The following ADAM19 variants were observed in gnomAD, a reference collection of about 807,000 sequenced individuals.
ADAM19 encodes ADAM metallopeptidase domain 19, also known as disintegrin and metalloproteinase domain-containing protein 19.
A neutral mutation model predicts 114.7 loss-of-function variants in ADAM19; 65 were observed. That is an observed-to-expected ratio of 0.57 (90% CI 0.46 to 0.70). The LOEUF is 0.70. ADAM19 is among the 30% of genes least tolerant of loss of function. ADAM19 has a pLI of 0.00. For synonymous variants in ADAM19, 466 were observed against 460.5 expected, an observed-to-expected ratio of 1.01 and a Z score of -0.15; for missense variants, 1,063 against 1,204.7, an observed-to-expected ratio of 0.88 and a Z score of 1.74.
At position 157,478,885 on chromosome 5, in the gene ADAM19, T is replaced by G; in HGVS notation, c.*2064A>C. 1 of 985,786 alleles carries G rather than the reference T, an allele frequency of 1.0e-6. No individual in the cohort carries two copies. Among genetic ancestry groups the G allele is most frequent in the Non-Finnish European group, 1.2e-6 (1 of 829,936 alleles). 61.1% of individuals were successfully genotyped at this position (985,786 alleles called of 1,614,324 possible). ...GTCACTATGGCTGTGGCGCTGTCATTTCAGAGCTATCTACCTCCTGATGTG... is the reference window on the plus strand; with the variant it reads ...GTCACTATGGCTGTGGCGCTGTCATGTCAGAGCTATCTACCTCCTGATGTG... On this transcript the variant is annotated 3_prime_UTR_variant, in exon 23 of 23. Transcript: ENST00000257527.
intron 12 of ADAM19, 117 bp from the exon 13 acceptor site, chr5:157,499,779 T>G (rs1755497555): frequency 4.9e-6 from 3 of 609,064 alleles, no homozygotes; most frequent in South Asian, 4.3e-5. Flanking sequence ...ATCTCTTTTT[T>G]TTTTTTTTTT....
rs919867081 is a variant in ADAM19 at position 157,503,052 on chromosome 5, G to T, written c.1131-72C>A. Reference sequence around the variant, plus strand: ...CAGTCAGGCAGGTGTCACTCGTGCTGTCACTCCTGCTACCCGTGGGGCTGA... The same window carrying T: ...CAGTCAGGCAGGTGTCACTCGTGCTTTCACTCCTGCTACCCGTGGGGCTGA... On this transcript the variant is annotated intron_variant, in intron 11 of 22. Coordinates refer to ENST00000257527, the MANE Select transcript of ADAM19 (RefSeq NM_033274.5). 1.9e-5 allele frequency: 28 copies of T among 1,450,856 alleles called. 1 individual carries two copies. The allele number at this position is 1,450,856 out of a possible 1,614,324, so 89.9% of individuals were successfully genotyped here.
intron 1 of ADAM19, among the ~76,000 whole-genome samples, chr5:157,571,460 G>A (rs1474686566): frequency 6.6e-6 from 1 of 152,166 alleles, no homozygotes; most frequent in African/African-American, 2.4e-5. Flanking sequence ...TAAGGTAGGG[G>A]TAGCTAGTAA....
chr5:157,575,180 C>G (rs1349834905), intron 1 of ADAM19, among the ~76,000 whole-genome samples: 2 of 152,206 alleles, frequency 1.3e-5, no homozygotes, highest in African/African-American at 2.4e-5. Context: ...TCCCAGGCCA[C>G]ACGGGCAGGG....
At chr5:157,531,763 C>T (rs1756631511) in intron 4 of ADAM19, among the ~76,000 whole-genome samples, 1 of 151,586 alleles carries the variant, frequency 6.6e-6, no homozygotes, top group Non-Finnish European at 1.5e-5. Context: ...GGGAAGGACA[C>T]ACAGACACAC....
Position 157,478,987 on chromosome 5 carries a change from T to C in ADAM19, c.*1962A>G, listed in dbSNP as rs1171818828. 4.1e-6 allele frequency: 4 copies of C among 985,512 alleles called. No homozygotes were observed. The highest frequency in any genetic ancestry group is 2.4e-6 in the Non-Finnish European group (2 of 829,954). The allele number at this position is 985,512 out of a possible 1,614,324, so 61.0% of individuals were successfully genotyped here. On this transcript the variant is annotated 3_prime_UTR_variant, in exon 23 of 23. Coordinates refer to ENST00000257527, the MANE Select transcript of ADAM19 (RefSeq NM_033274.5). ...GTTTTGAGGATGTTGCTTGTTTGTTTTGCAGAGGGGTGAAAGGGGATGTTT... is the reference window on the plus strand; with the variant it reads ...GTTTTGAGGATGTTGCTTGTTTGTTCTGCAGAGGGGTGAAAGGGGATGTTT...
At chr5:157,507,200 G>T in intron 9 of ADAM19, 60 bp from the exon 10 acceptor site, 1 of 1,539,522 alleles carries the variant, frequency 6.5e-7, no homozygotes, top group Non-Finnish European at 9.0e-7. Flanking sequence ...GTTCCAATGT[G>T]CCTGGGAGTA....
chr5:157,481,462 G>A (rs1561837181), intron 22 of ADAM19: 2 of 802,430 alleles, frequency 2.5e-6, no homozygotes, highest in Non-Finnish European at 3.8e-6. Context: ...ACAACCTGAT[G>A]GGGCTGGTAC....
At chr5:157,567,477 G>C (rs1757696021) in intron 2 of ADAM19, among the ~76,000 whole-genome samples, 1 of 152,142 alleles carries the variant, frequency 6.6e-6, no homozygotes. Context: ...GAGCATCAGG[G>C]ACCCCAGCTC....
chr5:157,533,751 G>A (rs1449282181), intron 4 of ADAM19, among the ~76,000 whole-genome samples: 1 of 152,090 alleles, frequency 6.6e-6, no homozygotes, highest in South Asian at 2.1e-4. Flanking sequence ...CGAATCATGA[G>A]GTCAAGAGAT....
intron 18 of ADAM19, among the ~76,000 whole-genome samples, chr5:157,491,282 T>C (rs1312258617): frequency 6.6e-6 from 1 of 152,212 alleles, no homozygotes; most frequent in Non-Finnish European, 1.5e-5. Context: ...CCCAGGTTCA[T>C]GATTATTTTT....
At chr5:157,542,675 C>G (rs13355228) in intron 3 of ADAM19, among the ~76,000 whole-genome samples, 136 of 152,248 alleles carry the variant, frequency 8.9e-4, no homozygotes, top group Middle Eastern at 3.4e-3. Context: ...TGTGGTGGCG[C>G]GCACCTGTAA....
intron 7 of ADAM19, among the ~76,000 whole-genome samples, chr5:157,514,073 G>A (rs1412001447): frequency 6.6e-6 from 1 of 152,224 alleles, no homozygotes; most frequent in African/African-American, 2.4e-5. Flanking sequence ...AGAAATAACT[G>A]TGGCAGATGC....
chr5:157,484,544 C>G (rs1335183998), intron 21 of ADAM19, among the ~76,000 whole-genome samples: 1 of 152,182 alleles, frequency 6.6e-6, no homozygotes, highest in African/African-American at 2.4e-5. Flanking sequence ...AGGGTCACTA[C>G]CACGTATTAA....
At chr5:157,541,936 C>T (rs1756929635) in intron 3 of ADAM19, among the ~76,000 whole-genome samples, 1 of 152,134 alleles carries the variant, frequency 6.6e-6, no homozygotes, top group Non-Finnish European at 1.5e-5. Context: ...TGAAAAACAC[C>T]CTCTGCAGAC....
chr5:157,540,618 G>C (rs982633246), intron 3 of ADAM19, among the ~76,000 whole-genome samples: 1 of 151,992 alleles, frequency 6.6e-6, no homozygotes, highest in Non-Finnish European at 1.5e-5. Flanking sequence ...TCTTCTCCCC[G>C]GCCCCCAGCA....
At chr5:157,499,272 ATTGT>A (rs1755471805) in intron 13 of ADAM19, among the ~76,000 whole-genome samples, 1 of 152,112 alleles carries the variant, frequency 6.6e-6, no homozygotes, top group Non-Finnish European at 1.5e-5. Context: ...GATAATTATT[ATTGT>A]TTATGAGCTC....
In ADAM19 at chr5:157,499,565, C is replaced by A. The variant is rs371996157; in HGVS notation, c.1398+8G>T. 3 of 1,611,660 alleles carry A rather than the reference C, an allele frequency of 1.9e-6. No homozygotes were observed. The highest frequency in any genetic ancestry group is 2.5e-6 in the Non-Finnish European group (3 of 1,178,820). On this transcript the variant is annotated splice_region_variant and intron_variant, in intron 13 of 22. Transcript: ENST00000257527. The stretch of plus-strand genomic sequence containing the variant: ...AGGGCCCAAGGCGTGGAGAAAAGGG[C>A]CACTTACCTTACACTGGTGGCAGCA...
intron 2 of ADAM19, among the ~76,000 whole-genome samples, chr5:157,565,210 A>T (rs887316752): frequency 1.3e-5 from 2 of 152,178 alleles, no homozygotes; most frequent in Non-Finnish European, 2.9e-5. Context: ...TATGTTCGAC[A>T]TCGCTAATAA....
Sources: allele counts gnomAD v4.1 joint callset (sites outside exome capture counted in the v4.1 genomes callset), GRCh38; gene constraint gnomAD v4.1.1; transcripts MANE v1.5; gene names NCBI Gene and HGNC (gene_info 2026-07-23, HGNC 2026-07-21).